Variants in DOK5 observed in about 807,000 individuals in gnomAD.
DOK5 encodes the protein docking protein 5, also known as downstream of tyrosine kinase 5.
DOK5 carries 27 observed loss-of-function variants against 43.3 expected under a neutral mutation model. The ratio of observed to expected loss-of-function variants is 0.62; its 90% CI spans 0.46 to 0.86. The LOEUF is 0.86. Among genes scored for constraint, DOK5 ranks in the 40% least tolerant of loss-of-function variants. The probability of loss-of-function intolerance (pLI) is 0.00; values close to 1 mark genes in which losing one functional copy is unlikely to be tolerated. For missense variants in DOK5, 373 were observed against 392.9 expected (o/e 0.95, Z 0.43); for synonymous variants, 146 against 140.1 (o/e 1.04, Z -0.30).
intron 2 of DOK5, among the ~76,000 whole-genome samples, chr20:54,564,791 A>G (rs1223357473): frequency 1.3e-5 from 2 of 152,170 alleles, no homozygotes; most frequent in Admixed American, 1.3e-4. Context: ...TGCCTCTGCA[A>G]TATTTCTTTT....
chr20:54,550,933 T>G (rs6098074), intron 1 of DOK5, among the ~76,000 whole-genome samples: 36,022 of 152,048 alleles, frequency 0.24, 6,683 homozygotes, highest in African/African-American at 0.53. Flanking sequence ...GAATGAAACT[T>G]CTGGTTGTAT....
intron 1 of DOK5, among the ~76,000 whole-genome samples, chr20:54,541,819 C>T (rs1984170112): frequency 6.6e-6 from 1 of 152,148 alleles, no homozygotes. Context: ...AACTCTTCTC[C>T]TATCTTCAAG....
chr20:54,617,405 A>C (rs1192270063), intron 6 of DOK5, among the ~76,000 whole-genome samples: 1 of 151,878 alleles, frequency 6.6e-6, no homozygotes, highest in Non-Finnish European at 1.5e-5. Flanking sequence ...ATCACAGCTC[A>C]CTGCAGCCTC....
At chr20:54,591,497 A>G in intron 4 of DOK5, 119 bp from the exon 5 acceptor site, 1 of 724,420 alleles carries the variant, frequency 1.4e-6, no homozygotes. Context: ...ATCTTTCTGA[A>G]TATGCAACCG....
intron 2 of DOK5, among the ~76,000 whole-genome samples, chr20:54,574,178 C>T (rs1209172137): frequency 2.6e-5 from 4 of 152,092 alleles, no homozygotes; most frequent in Admixed American, 6.6e-5. Flanking sequence ...GAAGGCCCAG[C>T]TAATGATGGA....
intron 6 of DOK5, among the ~76,000 whole-genome samples, chr20:54,637,887 C>T (rs1417966128): frequency 1.3e-5 from 2 of 152,160 alleles, no homozygotes; most frequent in East Asian, 1.9e-4. Context: ...CTTTGGGAGG[C>T]CAAGGCGGGC....
At chr20:54,508,380 G>A (rs1040799863) in intron 1 of DOK5, among the ~76,000 whole-genome samples, 1 of 150,426 alleles carries the variant, frequency 6.6e-6, no homozygotes, top group Non-Finnish European at 1.5e-5. Flanking sequence ...GGAAATGACT[G>A]TTCCAGGCAG....
chr20:54,521,915 G>C lies in DOK5; in HGVS notation c.67-33018G>C, dbSNP rs963355536. 2.0e-5 allele frequency among the ~76,000 whole-genome samples: 3 copies of C among 152,134 alleles called. No individual in the cohort carries two copies. The South Asian group carries it at 6.2e-4, about 32-fold the overall frequency. The stretch of plus-strand genomic sequence containing the variant: ...GTCACTCAGGACATTCCAGGGGTTT[G>C]GGAGTCTCTGTGCTGGAACCAGGGA... On this transcript the variant is annotated intron_variant, in intron 1 of 7. Coordinates refer to ENST00000262593, the MANE Select transcript of DOK5 (RefSeq NM_018431.5).
At chr20:54,564,270 C>T (rs986630602) in intron 2 of DOK5, among the ~76,000 whole-genome samples, 1 of 151,916 alleles carries the variant, frequency 6.6e-6, no homozygotes, top group Non-Finnish European at 1.5e-5. Context: ...AAAAAAAATA[C>T]AAAAAACAAA....
intron 1 of DOK5, among the ~76,000 whole-genome samples, chr20:54,501,603 C>T (rs865845405): frequency 3.6e-4 from 55 of 151,766 alleles, no homozygotes; most frequent in African/African-American, 1.3e-3. Flanking sequence ...GCTCAGAATC[C>T]CAAACTAAGT....
intron 6 of DOK5, among the ~76,000 whole-genome samples, chr20:54,613,994 T>G (rs1318224513): frequency 1.3e-5 from 2 of 150,510 alleles, no homozygotes; most frequent in East Asian, 3.9e-4. Context: ...ACCCCATCTC[T>G]AATATATATA....
At chr20:54,606,974 C>T (rs1484619999) in intron 5 of DOK5, among the ~76,000 whole-genome samples, 1 of 152,180 alleles carries the variant, frequency 6.6e-6, no homozygotes, top group African/African-American at 2.4e-5. Flanking sequence ...TGATTAAGGC[C>T]TTTTGACTCT....
intron 2 of DOK5, among the ~76,000 whole-genome samples, chr20:54,581,608 G>C (rs923687935): frequency 1.3e-5 from 2 of 151,660 alleles, no homozygotes; most frequent in African/African-American, 4.8e-5. Flanking sequence ...TCATCCACTT[G>C]GTTATATTTA....
intron 1 of DOK5, among the ~76,000 whole-genome samples, chr20:54,511,813 T>A (rs1983025782): frequency 6.6e-6 from 1 of 152,338 alleles, no homozygotes; most frequent in African/African-American, 2.4e-5. Context: ...GCAGCAGTTT[T>A]AAAACTCATA....
At chr20:54,483,078 C>T (rs984168737) in intron 1 of DOK5, among the ~76,000 whole-genome samples, 9 of 152,148 alleles carry the variant, frequency 5.9e-5, no homozygotes, top group African/African-American at 1.7e-4. Context: ...CAGTCGTCTT[C>T]ATCTGATTGT....
intron 1 of DOK5, among the ~76,000 whole-genome samples, chr20:54,477,803 G>A (rs1006389489): frequency 5.3e-5 from 8 of 152,172 alleles, no homozygotes; most frequent in African/African-American, 1.9e-4. Context: ...ATAAGGATCA[G>A]AGTTTATGCC....
chr20:54,541,785 C>T (rs73140113), intron 1 of DOK5, among the ~76,000 whole-genome samples: 5,179 of 152,212 alleles, frequency 0.034, 130 homozygotes, highest in Admixed American at 0.054. Flanking sequence ...TGCTGACCCA[C>T]GCTCACCACC....
At chr20:54,530,607 T>C (rs1015165262) in intron 1 of DOK5, among the ~76,000 whole-genome samples, 2 of 152,198 alleles carry the variant, frequency 1.3e-5, no homozygotes, top group East Asian at 3.9e-4. Context: ...CCTAGCCTAA[T>C]TTGGGCCATC....
At chr20:54,597,600 G>A (rs1054317795) in intron 5 of DOK5, among the ~76,000 whole-genome samples, 1 of 152,138 alleles carries the variant, frequency 6.6e-6, no homozygotes, top group Non-Finnish European at 1.5e-5. Context: ...CAAGAGGTCC[G>A]AAGACACAAA....
Sources: gnomAD v4.1 joint callset for allele counts (sites outside exome capture counted in the v4.1 genomes callset) on GRCh38, gnomAD v4.1.1 for gene constraint, MANE v1.5 for transcripts, NCBI Gene and HGNC (gene_info 2026-07-23, HGNC 2026-07-21) for gene names.